Variants in FAM120AOS observed in about 807,000 individuals in gnomAD.
FAM120AOS encodes the protein uncharacterized protein FAM120AOS.
Under a neutral mutation model 20.2 loss-of-function variants are expected in FAM120AOS, and 15 were observed. The observed-to-expected ratio is 0.74, with a 90% confidence interval of 0.50 to 1.15. The LOEUF (loss-of-function observed/expected upper bound fraction) is 1.15, where lower values mean the gene tolerates loss of function less well. FAM120AOS is among the 50% of genes most tolerant of loss of function. FAM120AOS has a pLI of 0.00. For missense variants in FAM120AOS, 327 were observed against 351.9 expected (o/e 0.93, Z 0.57); for synonymous variants, 154 against 154.0 (o/e 1.00, Z 0.00).
At chr9:93,451,227 G>C (rs1857162033) in intron 1 of FAM120AOS, 2 of 1,524,576 alleles carry the variant, frequency 1.3e-6, no homozygotes, top group African/African-American at 2.8e-5. Context: ...GGCGGCGTTA[G>C]AAAGGCGGCG....
intron 1 of FAM120AOS, chr9:93,451,401 C>T (rs1857179044): frequency 7.3e-7 from 1 of 1,375,784 alleles, no homozygotes; most frequent in East Asian, 2.8e-5. Flanking sequence ...CTGCCGGGAA[C>T]AGGGCGCAGG....
chr9:93,453,561 G>A lies in FAM120AOS; in HGVS notation c.-852C>T. On this transcript the variant is annotated 5_prime_UTR_variant, in exon 1 of 3. Transcript: ENST00000375412. ...CGCGGTTGCCCCCACTGCCCGCGAG[G>A]AGATGGTGGTAGTTAAGCCTAAAAT... The A allele has an allele frequency of 2.0e-6, 2 of 985,418 alleles. No homozygotes were observed. The highest frequency in any genetic ancestry group is 2.4e-6 in the Non-Finnish European group (2 of 829,930). 61.0% of individuals were successfully genotyped at this position (985,418 alleles called of 1,614,324 possible).
rs1002842403 is a variant in FAM120AOS at position 93,447,391 on chromosome 9, T to G, written c.*220A>C. The G allele has an allele frequency of 7.4e-6, 4 of 537,726 alleles. No homozygotes were observed. Among genetic ancestry groups the G allele is most frequent in the African/African-American group, 5.7e-5 (3 of 52,760 alleles). 33.3% of individuals were successfully genotyped at this position (537,726 alleles called of 1,614,324 possible). A position where few individuals can be genotyped will look rare whatever the true frequency, so the allele number is the denominator to read the frequency against. On this transcript the variant is annotated 3_prime_UTR_variant, in exon 3 of 3. Coordinates refer to ENST00000375412, the MANE Select transcript of FAM120AOS (RefSeq NM_198841.4). Reference sequence around the variant, plus strand: ...ATTTTCTTGTTGACTCTACTCTGACTTAGGACATATCACTTTCCTCTCTTG... The same window carrying G: ...ATTTTCTTGTTGACTCTACTCTGACGTAGGACATATCACTTTCCTCTCTTG...
chr9:93,447,947 C>A (rs1254390671), intron 2 of FAM120AOS, among the ~76,000 whole-genome samples: 1 of 152,100 alleles, frequency 6.6e-6, no homozygotes, highest in Admixed American at 6.5e-5. Context: ...GTGTGTTCTT[C>A]TGGGTAATTT....
intron 2 of FAM120AOS, among the ~76,000 whole-genome samples, chr9:93,449,492 ATTT>A (rs10667664): frequency 8.2e-5 from 9 of 109,534 alleles, no homozygotes; most frequent in African/African-American, 2.6e-4. Context: ...TGGCACTGGC[ATTT>A]TTTTTTTTTT....
intron 2 of FAM120AOS, among the ~76,000 whole-genome samples, chr9:93,449,196 A>G (rs1304642086): frequency 3.9e-5 from 6 of 152,274 alleles, no homozygotes; most frequent in Admixed American, 6.5e-5. Context: ...GTATAAGTCT[A>G]GACAAATACA....
In FAM120AOS at chr9:93,443,662, T is replaced by C. The variant is rs866290516; in HGVS notation, c.*3949A>G. Among the ~76,000 whole-genome samples, 13 of 152,180 alleles carry C rather than the reference T, an allele frequency of 8.5e-5. No individual in the cohort carries two copies. The highest frequency in any genetic ancestry group is 2.6e-4 in the Admixed American group (4 of 15,278). The stretch of plus-strand genomic sequence containing the variant: ...TTCTGTTTGGTGGTGGTGGTCCGAG[T>C]GTCAGTTCAGAGTGTGGCTGTGTTG... On this transcript the variant is annotated 3_prime_UTR_variant, in exon 3 of 3. Transcript: ENST00000375412.
At chr9:93,448,423 AG>A in intron 2 of FAM120AOS, 1 of 201,600 alleles carries the variant, frequency 5.0e-6, no homozygotes, top group Non-Finnish European at 1.1e-5. Context: ...AACCTGGGAG[AG>A]GGAGGTTGCA....
chr9:93,451,234 G>C, intron 1 of FAM120AOS: 2 of 1,523,712 alleles, frequency 1.3e-6, no homozygotes, highest in East Asian at 4.9e-5. Flanking sequence ...TTAGAAAGGC[G>C]GCGTCCCGAC....
rs559498744 is a variant in FAM120AOS, at chr9:93,453,244, C to G, written c.-535G>C. ...TCAGTGACCTTCAGCGGTGCCCTGACGGGTGGGTAATCAGAGCTCTATATC... is the reference window on the plus strand; with the variant it reads ...TCAGTGACCTTCAGCGGTGCCCTGAGGGGTGGGTAATCAGAGCTCTATATC... On this transcript the variant is annotated 5_prime_UTR_variant, in exon 1 of 3. Transcript: ENST00000375412. The G allele has an allele frequency of 1.0e-6, 1 of 993,492 alleles. No individual in the cohort carries two copies. Among genetic ancestry groups the G allele is most frequent in the African/African-American group, 1.7e-5 (1 of 57,402 alleles). 61.5% of individuals were successfully genotyped at this position (993,492 alleles called of 1,614,324 possible). A position where few individuals can be genotyped will look rare whatever the true frequency, so the allele number is the denominator to read the frequency against.
rs1221455230 is a variant in FAM120AOS at position 93,452,691 on chromosome 9, T to C, written c.19A>G (p.Ile7Val). Residue 7 changes from isoleucine to valine, a missense_variant, in exon 1 of 3, where the codon ATT becomes GTT. By Grantham distance (29) the Ile-to-Val change is conservative. This residue lies in a region of FAM120AOS where 155 missense variants were observed against 128.8 expected (regional missense o/e 1.20). Transcript: ENST00000375412. The surrounding 1 kb of genome is among the most constrained non-coding windows in gnomAD (Gnocchi z 7.0). MGKTKD[I>V]GDDDTVASEF... ...GAGGCGACAGTGTCATCATCCCCAA[T>C]ATCCTTAGTTTTTCCCATCCTATTT... The C allele has an allele frequency of 6.3e-7, 1 of 1,598,490 alleles. No homozygotes were observed. Among genetic ancestry groups the C allele is most frequent in the Non-Finnish European group, 8.5e-7 (1 of 1,179,884 alleles).
rs1371209140 is a variant in FAM120AOS at position 93,446,340 on chromosome 9, A to G, written c.*1271T>C. ...ACTCAAGCCTGGGGCTAGTGTTTTC[A>G]TATTCTGGTATGAGAGACTTGCTTC... is the stretch of plus-strand genomic sequence containing the variant. On this transcript the variant is annotated 3_prime_UTR_variant, in exon 3 of 3. Transcript: ENST00000375412. Among the ~76,000 whole-genome samples the G allele has an allele frequency of 1.3e-5, 2 of 152,250 alleles. No individual in the cohort carries two copies. The highest frequency in any genetic ancestry group is 3.9e-4 in the East Asian group (2 of 5,184).
intron 2 of FAM120AOS, among the ~76,000 whole-genome samples, chr9:93,449,602 C>T (rs1857000463): frequency 6.7e-6 from 1 of 149,400 alleles, no homozygotes; most frequent in Non-Finnish European, 1.5e-5. Flanking sequence ...ATTCTCCTGC[C>T]TCAGCCTCCC....
At position 93,450,613 on chromosome 9, in the gene FAM120AOS, A is replaced by G; in HGVS notation, c.564-14T>C. The G allele has an allele frequency of 6.2e-7, 1 of 1,605,130 alleles. No individual in the cohort carries two copies. Among genetic ancestry groups the G allele is most frequent in the Non-Finnish European group, 8.5e-7 (1 of 1,176,544 alleles). On this transcript the variant is annotated splice_polypyrimidine_tract_variant and intron_variant, in intron 1 of 2. Transcript: ENST00000375412. ...CTACAGAGGTTTCTCCAAAAAAAGA[A>G]CAAATGGAGAGATGAAGGTAAGTAA...
At position 93,447,653 on chromosome 9, in the gene FAM120AOS, G is replaced by A; in HGVS notation, c.729C>T (p.Thr243=). 8 of 1,613,606 alleles carry A rather than the reference G, an allele frequency of 5.0e-6. No individual in the cohort carries two copies. Among genetic ancestry groups the A allele is most frequent in the Non-Finnish European group, 6.8e-6 (8 of 1,179,890 alleles). Residue 243 remains threonine (T), a synonymous_variant, in exon 3 of 3, where the codon ACC becomes ACT. Transcript: ENST00000375412. ...CSVNNKVSKK[T]TKPPTLRSFL... is the part of the protein sequence containing the mutation. Reference sequence around the variant, plus strand: ...ATGATCTTAGTGTTGGTGGTTTTGTGGTTTTCTTTGAGACTTTGTTATTGA... The same window carrying A: ...ATGATCTTAGTGTTGGTGGTTTTGTAGTTTTCTTTGAGACTTTGTTATTGA...
chr9:93,451,177 A>G (rs1588752580), intron 1 of FAM120AOS: 2 of 1,549,836 alleles, frequency 1.3e-6, no homozygotes, highest in East Asian at 2.4e-5. Context: ...CGGACCCCGC[A>G]GTCAGTGTGG....
chr9:93,445,742 C>T lies in FAM120AOS; in HGVS notation c.*1869G>A, dbSNP rs1000382028. Among the ~76,000 whole-genome samples the T allele has an allele frequency of 6.6e-6, 1 of 152,022 alleles. No individual in the cohort carries two copies. The highest frequency in any genetic ancestry group is 2.4e-5 in the African/African-American group (1 of 41,380). On this transcript the variant is annotated 3_prime_UTR_variant, in exon 3 of 3. Coordinates refer to ENST00000375412, the MANE Select transcript of FAM120AOS (RefSeq NM_198841.4). The stretch of plus-strand genomic sequence containing the variant: ...AGAAGATGGGACTACAGGTGCACAC[C>T]TCACCTGGCTAATTTTTGGATTTTT...
At chr9:93,448,087 A>G (rs1030537324) in intron 2 of FAM120AOS, among the ~76,000 whole-genome samples, 1 of 152,170 alleles carries the variant, frequency 6.6e-6, no homozygotes, top group Non-Finnish European at 1.5e-5. Context: ...GTCTCCCAAC[A>G]TCTGCTAATG....
At position 93,452,722 on chromosome 9, in the gene FAM120AOS, G is replaced by T. The variant is rs1190974542; in HGVS notation, c.-13C>A. On this transcript the variant is annotated 5_prime_UTR_variant, in exon 1 of 3. Transcript: ENST00000375412. The surrounding 1 kb of genome is among the most constrained non-coding windows in gnomAD (Gnocchi z 7.0). ...TAGTTTTTCCCATCCTATTTGAGGC[G>T]GGCAGGCTATCACTCACCTTCAACT... The T allele has an allele frequency of 1.9e-6, 3 of 1,598,340 alleles. No homozygotes were observed. The South Asian group carries it at 3.3e-5, about 18-fold the overall frequency.
Sources: gnomAD v4.1 joint callset for allele counts (sites outside exome capture counted in the v4.1 genomes callset) on GRCh38, gnomAD v4.1.1 for gene constraint, gnomAD v4.1.1 regional missense constraint, Gnocchi (gnomAD v3.1) non-coding constraint, MANE v1.5 for transcripts, NCBI Gene and HGNC (gene_info 2026-07-23, HGNC 2026-07-21) for gene names.